ESRRG: variants seen among roughly 807,000 people sequenced by gnomAD.
ESRRG encodes the protein estrogen-related receptor gamma.
Under a neutral mutation model 44.0 loss-of-function variants are expected in ESRRG, and 13 were observed. The ratio of observed to expected loss-of-function variants is 0.30; its 90% confidence interval spans 0.19 to 0.47. The LOEUF (loss-of-function observed/expected upper bound fraction) is 0.47. Ranked by LOEUF, ESRRG falls within the 20% of genes least tolerant of loss-of-function variation. The pLI is 1.00. For synonymous variants in ESRRG, 215 were observed against 214.6 expected (o/e 1.00, Z -0.02); for missense variants, 395 against 580.6 (o/e 0.68, Z 3.29).
At chr1:216,937,995 C>A (rs560516560) in intron 2 of ESRRG, among the ~76,000 whole-genome samples, 2 of 151,592 alleles carry the variant, frequency 1.3e-5, no homozygotes, top group South Asian at 2.1e-4. Flanking sequence ...AAAGCAAATT[C>A]TTTTCTAAAT....
intron 2 of ESRRG, among the ~76,000 whole-genome samples, chr1:216,913,467 A>T (rs74226932): frequency 0.011 from 1,727 of 152,304 alleles, 40 homozygotes; most frequent in South Asian, 0.071. Context: ...TTTTCCAATG[A>T]TATCAAAGGA....
rs1223883887 is a variant in ESRRG at position 216,676,958 on chromosome 1, C to T, written c.472+118G>A. 4.1e-5 allele frequency: 29 copies of T among 706,318 alleles called. No individual in the cohort carries two copies. The East Asian group carries it at 7.3e-4, about 18-fold the overall frequency. The allele number at this position is 706,318 out of a possible 1,614,324, so 43.8% of individuals were successfully genotyped here. ...ATCAATTGTAATCTATTTCCATTTT[C>T]TACTCAAGAGAGAATTAAAACTATG... On this transcript the variant is annotated intron_variant, in intron 2 of 6. Transcript: ENST00000408911.
chr1:216,504,977 C>G lies in ESRRG; in HGVS notation c.*1962G>C, dbSNP rs907364371. 1 of 152,536 alleles carries G rather than the reference C, an allele frequency of 6.6e-6. No homozygotes were observed. Among genetic ancestry groups the G allele is most frequent in the Non-Finnish European group, 1.5e-5 (1 of 68,018 alleles). 9.4% of individuals were successfully genotyped at this position (152,536 alleles called of 1,614,324 possible). Reference sequence around the variant, plus strand: ...TCTAATTCTACCCTGTGTCTAAAAGCACACACCACAAGAATCCAAACACCA... The same window carrying G: ...TCTAATTCTACCCTGTGTCTAAAAGGACACACCACAAGAATCCAAACACCA... On this transcript the variant is annotated 3_prime_UTR_variant, in exon 7 of 7. Coordinates refer to ENST00000408911, the MANE Select transcript of ESRRG (RefSeq NM_001438.4).
chr1:217,049,317 C>T (rs11572416), intron 1 of ESRRG, among the ~76,000 whole-genome samples: 1 of 152,126 alleles, frequency 6.6e-6, no homozygotes, highest in African/African-American at 2.4e-5. Context: ...AGAATGAAGC[C>T]GGCACAGTCT....
At chr1:216,509,119 C>T (rs536915279) in intron 6 of ESRRG, among the ~76,000 whole-genome samples, 16 of 152,288 alleles carry the variant, frequency 1.1e-4, no homozygotes, top group Non-Finnish European at 1.5e-4. Context: ...CTAGAAGACA[C>T]GTGGCACTGG....
chr1:216,820,425 T>C (rs1231665547), intron 2 of ESRRG, among the ~76,000 whole-genome samples: 2 of 152,192 alleles, frequency 1.3e-5, no homozygotes, highest in Non-Finnish European at 2.9e-5. Context: ...AAACATAATG[T>C]CTTTGACATT....
At position 216,992,017 on chromosome 1, in the gene ESRRG, A is replaced by G. The variant is rs2075788663; in HGVS notation, c.-105-52344T>C. 2.6e-5 allele frequency among the ~76,000 whole-genome samples: 4 copies of G among 152,174 alleles called. No homozygotes were observed. The South Asian group carries it at 8.3e-4, about 31-fold the overall frequency. Reference sequence around the variant, plus strand: ...AGACAGTGTGTGATACGCTGCTTTCAGAGGCCAAAAAATAATAGGGGGTTG... The same window carrying G: ...AGACAGTGTGTGATACGCTGCTTTCGGAGGCCAAAAAATAATAGGGGGTTG... On this transcript the variant is annotated intron_variant, in intron 1 of 7. Coordinates refer to the ESRRG transcript ENST00000359162.
chr1:216,649,583 T>TTA (rs956745055), intron 3 of ESRRG, among the ~76,000 whole-genome samples: 2 of 151,846 alleles, frequency 1.3e-5, no homozygotes, highest in African/African-American at 2.4e-5. Context: ...AAACTTGTTC[T>TTA]TATATATATA....
At chr1:216,747,418 G>T (rs1278910432) in intron 2 of ESRRG, among the ~76,000 whole-genome samples, 1 of 152,184 alleles carries the variant, frequency 6.6e-6, no homozygotes, top group South Asian at 2.1e-4. Context: ...ATATGGCTCT[G>T]TTCCTCTGCA....
chr1:216,627,613 ACCAGAATT>A lies in ESRRG; in HGVS notation c.589+23352_589+23359del, dbSNP rs539581277. On this transcript the variant is annotated intron_variant, in intron 3 of 6. Coordinates refer to ENST00000408911, the MANE Select transcript of ESRRG (RefSeq NM_001438.4). ...TCATTTCCCAAATACCTGGACAGAA[ACCAGAATT>A]CCACGAGCATGCTTATGTGAAGAAA... Among the ~76,000 whole-genome samples, 8 of 152,312 alleles carry A rather than the reference ACCAGAATT, an allele frequency of 5.3e-5. No homozygotes were observed. The South Asian group carries it at 1.4e-3, about 28-fold the overall frequency.
At chr1:217,135,246 C>T (rs1363344688) in intron 1 of ESRRG, among the ~76,000 whole-genome samples, 2 of 151,942 alleles carry the variant, frequency 1.3e-5, no homozygotes, top group Non-Finnish European at 2.9e-5. Context: ...CCCCTCCTCA[C>T]CCCCTGCTCC....
intron 1 of ESRRG, among the ~76,000 whole-genome samples, chr1:217,118,982 G>A (rs1459197937): frequency 1.3e-5 from 2 of 151,792 alleles, no homozygotes; most frequent in African/African-American, 4.8e-5. Context: ...GACAGAGTGA[G>A]ACCCTATCTC....
intron 2 of ESRRG, among the ~76,000 whole-genome samples, chr1:216,740,617 A>C (rs548162852): frequency 2.6e-5 from 4 of 151,824 alleles, no homozygotes; most frequent in Admixed American, 1.3e-4. Context: ...CTGCAAAGGA[A>C]CGTGCTTAAC....
chr1:216,691,009 T>C (rs1263227208), intron 1 of ESRRG, among the ~76,000 whole-genome samples: 1 of 152,196 alleles, frequency 6.6e-6, no homozygotes, highest in Non-Finnish European at 1.5e-5. Flanking sequence ...AAAAGAAAGC[T>C]AACCTGCCTT....
intron 1 of ESRRG, among the ~76,000 whole-genome samples, chr1:216,975,267 T>G (rs187049761): frequency 1.6e-4 from 24 of 152,356 alleles, no homozygotes; most frequent in African/African-American, 5.8e-4. Context: ...ATAGTTCATA[T>G]TCTTCTTTCA....
At chr1:217,080,519 G>A (rs766880771) in intron 1 of ESRRG, among the ~76,000 whole-genome samples, 6 of 152,024 alleles carry the variant, frequency 3.9e-5, no homozygotes, top group East Asian at 1.9e-4. Context: ...CACGTATCCC[G>A]TACACTGTAG....
At chr1:217,054,725 C>T (rs1361344193) in intron 1 of ESRRG, among the ~76,000 whole-genome samples, 1 of 151,794 alleles carries the variant, frequency 6.6e-6, no homozygotes, top group Non-Finnish European at 1.5e-5. Context: ...AATACTACGC[C>T]TTAGCAAATG....
intron 6 of ESRRG, among the ~76,000 whole-genome samples, chr1:216,518,737 C>A (rs531326823): frequency 6.6e-6 from 1 of 152,144 alleles, no homozygotes; most frequent in African/African-American, 2.4e-5. Flanking sequence ...CAAAGCAACA[C>A]TAAATATATT....
At chr1:216,975,635 T>A (rs1244650664) in intron 1 of ESRRG, among the ~76,000 whole-genome samples, 1 of 152,192 alleles carries the variant, frequency 6.6e-6, no homozygotes, top group African/African-American at 2.4e-5. Context: ...AATATTCAAT[T>A]CTCAACCTTT....
Sources: allele counts gnomAD v4.1 joint callset (sites outside exome capture counted in the v4.1 genomes callset), GRCh38; gene constraint gnomAD v4.1.1; transcripts MANE v1.5; gene names NCBI Gene and HGNC (gene_info 2026-07-23, HGNC 2026-07-21).